Variants in SPIDR observed in about 807,000 individuals in gnomAD.
SPIDR encodes the protein scaffold protein involved in DNA repair.
SPIDR carries 93 observed loss-of-function variants against 104.6 expected under a neutral mutation model. That is an observed-to-expected ratio of 0.89 (90% CI 0.75 to 1.06). The LOEUF (loss-of-function observed/expected upper bound fraction) is 1.06. Among genes scored for constraint, SPIDR ranks in the 50% least tolerant of loss-of-function variants. SPIDR has a pLI of 0.00. For synonymous variants in SPIDR, 431 were observed against 416.9 expected, an observed-to-expected ratio of 1.03 and a Z score of -0.41; for missense variants, 1,154 against 1,111.2, an observed-to-expected ratio of 1.04 and a Z score of -0.55.
chr8:47,561,239 T>C (rs999073060), intron 8 of SPIDR, among the ~76,000 whole-genome samples: 3 of 152,236 alleles, frequency 2.0e-5, no homozygotes, highest in African/African-American at 7.2e-5. Flanking sequence ...ATCATGTCTG[T>C]GTGGCAGCAT....
chr8:47,386,906 TATAGATATAGATATAGATATAG>T (rs1308786731), intron 5 of SPIDR, among the ~76,000 whole-genome samples: 4 of 31,700 alleles, frequency 1.3e-4, no homozygotes, highest in African/African-American at 6.2e-4. Flanking sequence ...GAGAGAGAGA[TATAGATATAGATATAGATATAG>T]ATATAGATAT....
intron 5 of SPIDR, among the ~76,000 whole-genome samples, chr8:47,308,890 G>A (rs965679076): frequency 2.6e-5 from 4 of 152,250 alleles, no homozygotes; most frequent in African/African-American, 7.2e-5. Context: ...AGCTGCTACT[G>A]TGCTAGTGCT....
intron 8 of SPIDR, among the ~76,000 whole-genome samples, chr8:47,491,015 C>T (rs913805775): frequency 2.0e-5 from 3 of 151,880 alleles, no homozygotes; most frequent in Non-Finnish European, 4.4e-5. Context: ...AATATAATCA[C>T]TGAAAAAGAC....
intron 10 of SPIDR, among the ~76,000 whole-genome samples, chr8:47,631,564 T>C (rs1401695281): frequency 6.6e-6 from 1 of 152,088 alleles, no homozygotes; most frequent in African/African-American, 2.4e-5. Flanking sequence ...TCAGAGAAAA[T>C]GGTGAAAGAG....
chr8:47,717,491 C>T (rs2082740384), intron 16 of SPIDR, among the ~76,000 whole-genome samples: 1 of 152,222 alleles, frequency 6.6e-6, no homozygotes, highest in South Asian at 2.1e-4. Flanking sequence ...GAGGGTTTCC[C>T]TAACCCATTC....
intron 5 of SPIDR, among the ~76,000 whole-genome samples, chr8:47,358,460 T>A (rs2055018560): frequency 6.6e-6 from 1 of 152,198 alleles, no homozygotes. Context: ...TACCTTATGT[T>A]AGAAATGATA....
At chr8:47,518,775 T>C (rs2154379440) in intron 8 of SPIDR, among the ~76,000 whole-genome samples, 1 of 152,096 alleles carries the variant, frequency 6.6e-6, no homozygotes, top group Admixed American at 6.5e-5. Flanking sequence ...TAGCTGGAAC[T>C]ACAGGCGCCT....
rs534930695 is a variant in SPIDR, at chr8:47,544,549, G to A, written c.1098-51262G>A. Among the ~76,000 whole-genome samples, 5 of 152,136 alleles carry A rather than the reference G, an allele frequency of 3.3e-5. 1 individual carries two copies. The South Asian group carries it at 1.0e-3, about 31-fold the overall frequency. ...GTGTGAGACTTAGGTGGAAGGTTTT[G>A]GTTTTTCTGTTTTTTGCCTGTGGGT... On this transcript the variant is annotated intron_variant, in intron 8 of 19. Transcript: ENST00000297423.
At chr8:47,678,948 C>A (rs1351549629) in intron 11 of SPIDR, among the ~76,000 whole-genome samples, 1 of 152,102 alleles carries the variant, frequency 6.6e-6, no homozygotes, top group African/African-American at 2.4e-5. Flanking sequence ...CCTTTGTAGC[C>A]CCCAGTGGGA....
chr8:47,625,173 GAC>G (rs1174689359), intron 10 of SPIDR, among the ~76,000 whole-genome samples: 1 of 152,170 alleles, frequency 6.6e-6, no homozygotes, highest in African/African-American at 2.4e-5. Context: ...AAAGGCCTTT[GAC>G]AAAATTCAAC....
intron 7 of SPIDR, among the ~76,000 whole-genome samples, chr8:47,423,544 G>T (rs1028835337): frequency 4.3e-4 from 65 of 152,228 alleles, no homozygotes; most frequent in African/African-American, 1.5e-3. Context: ...AGAGGTTTTT[G>T]TGAGCCGAGA....
At chr8:47,357,662 T>C (rs1388556654) in intron 5 of SPIDR, among the ~76,000 whole-genome samples, 1 of 152,240 alleles carries the variant, frequency 6.6e-6, no homozygotes, top group Non-Finnish European at 1.5e-5. Context: ...TCAATTGAAT[T>C]GAACTTCTAA....
At chr8:47,472,091 C>A (rs889784141) in intron 8 of SPIDR, among the ~76,000 whole-genome samples, 13 of 152,290 alleles carry the variant, frequency 8.5e-5, no homozygotes, top group African/African-American at 3.1e-4. Context: ...TTGCAGTAAC[C>A]CTCAGAGTTT....
chr8:47,318,131 C>T (rs576695647), intron 5 of SPIDR, among the ~76,000 whole-genome samples: 7 of 151,774 alleles, frequency 4.6e-5, no homozygotes, highest in East Asian at 1.9e-4. Context: ...AGGCTTCAGA[C>T]GATCAAACTA....
At chr8:47,277,669 CTTTTTT>C (rs1209041690) in intron 1 of SPIDR, among the ~76,000 whole-genome samples, 1 of 110,504 alleles carries the variant, frequency 9.0e-6, no homozygotes, top group Non-Finnish European at 1.9e-5. Flanking sequence ...TGTTTAACCT[CTTTTTT>C]TTTTTTTTTT....
At position 47,308,570 on chromosome 8, in the gene SPIDR, C is replaced by T. The variant is rs2043538384; in HGVS notation, c.525+14540C>T. Among the ~76,000 whole-genome samples, 3 of 149,210 alleles carry T rather than the reference C, an allele frequency of 2.0e-5. No homozygotes were observed. In the Admixed American group the frequency reaches 2.0e-4, roughly 10 times the overall value. ...TTTCAAATGCCGTAGTCTTTAACAT[C>T]TGACTCCCAAAAGGGAAAAAGAGAA... On this transcript the variant is annotated intron_variant, in intron 5 of 19. Transcript: ENST00000297423.
At chr8:47,451,609 CT>C (rs1185684433) in intron 8 of SPIDR, among the ~76,000 whole-genome samples, 14 of 144,036 alleles carry the variant, frequency 9.7e-5, no homozygotes, top group African/African-American at 3.6e-4. Flanking sequence ...CACACACACA[CT>C]AGAAAGATTC....
intron 8 of SPIDR, among the ~76,000 whole-genome samples, chr8:47,513,426 A>C (rs2082661619): frequency 6.6e-6 from 1 of 152,254 alleles, no homozygotes; most frequent in Non-Finnish European, 1.5e-5. Context: ...TCTGTATTTT[A>C]AAATAAAATG....
intron 5 of SPIDR, among the ~76,000 whole-genome samples, chr8:47,311,996 T>A (rs1554585601): frequency 6.6e-6 from 1 of 152,198 alleles, no homozygotes; most frequent in African/African-American, 2.4e-5. Flanking sequence ...TGCGATAGTT[T>A]GCTGAGAATG....
Sources: gnomAD v4.1 joint callset for allele counts (sites outside exome capture counted in the v4.1 genomes callset) on GRCh38, gnomAD v4.1.1 for gene constraint, MANE v1.5 for transcripts, NCBI Gene and HGNC (gene_info 2026-07-23, HGNC 2026-07-21) for gene names.